The following GPHN variants were observed in gnomAD, a reference collection of about 807,000 sequenced individuals.
The protein encoded by GPHN is gephyrin.
Under a neutral mutation model 95.5 loss-of-function variants are expected in GPHN, and 17 were observed. The ratio of observed to expected loss-of-function variants is 0.18; its 90% CI spans 0.12 to 0.27. The LOEUF (loss-of-function observed/expected upper bound fraction) is 0.27. Among genes scored for constraint, GPHN ranks in the 10% least tolerant of loss-of-function variants. The probability of loss-of-function intolerance (pLI) is 1.00; values close to 1 mark genes in which losing one functional copy is unlikely to be tolerated. For synonymous variants in GPHN, 320 were observed against 322.5 expected (o/e 0.99, Z 0.08); for missense variants, 660 against 978.1 (o/e 0.67, Z 4.34).
chr14:66,845,245 T>A (rs2062270865), intron 4 of GPHN, among the ~76,000 whole-genome samples: 1 of 152,150 alleles, frequency 6.6e-6, no homozygotes, highest in Admixed American at 6.5e-5. Context: ...TCAATAGCAT[T>A]TAATACTTTA....
chr14:66,533,117 TG>T (rs1157752467), intron 1 of GPHN, among the ~76,000 whole-genome samples: 1 of 152,242 alleles, frequency 6.6e-6, no homozygotes. Context: ...AATTAATAAA[TG>T]TTTTTTTCCC....
chr14:67,580,848 T>C, the GPHN span: 1 of 812,206 alleles, frequency 1.2e-6, no homozygotes, highest in Non-Finnish European at 2.1e-6. Context: ...TTTTCTTTGC[T>C]CTTCTGCTCT....
At chr14:67,519,723 T>C in the GPHN span, among the ~76,000 whole-genome samples, 1 of 151,756 alleles carries the variant, frequency 6.6e-6, no homozygotes, top group African/African-American at 2.4e-5. Context: ...TGTTTTTTTT[T>C]TTTTTTACTT....
At chr14:66,917,287 C>T (rs2065962142) in intron 6 of GPHN, among the ~76,000 whole-genome samples, 1 of 152,074 alleles carries the variant, frequency 6.6e-6, no homozygotes, top group South Asian at 2.1e-4. Flanking sequence ...ATTAACAGAC[C>T]AGAATGTCTC....
chr14:66,902,353 G>T (rs1475345142), intron 5 of GPHN, among the ~76,000 whole-genome samples: 1 of 151,896 alleles, frequency 6.6e-6, no homozygotes, highest in Non-Finnish European at 1.5e-5. Flanking sequence ...CAGTTTGAAT[G>T]CCCTTTGTTT....
chr14:67,542,205 A>C, the GPHN span, among the ~76,000 whole-genome samples: 1 of 152,202 alleles, frequency 6.6e-6, no homozygotes, highest in Non-Finnish European at 1.5e-5. Flanking sequence ...ATTAAGGCAC[A>C]CCAAAGACAT....
At chr14:67,391,912 T>C in the GPHN span, among the ~76,000 whole-genome samples, 1 of 152,090 alleles carries the variant, frequency 6.6e-6, no homozygotes, top group African/African-American at 2.4e-5. Flanking sequence ...TCAGAAAGTG[T>C]ATCAAGGAGG....
At chr14:66,914,103 G>A (rs1294948195) in intron 5 of GPHN, among the ~76,000 whole-genome samples, 2 of 151,962 alleles carry the variant, frequency 1.3e-5, no homozygotes, top group Admixed American at 1.3e-4. Flanking sequence ...TGGCTGTATA[G>A]AAACCTTTAA....
chr14:66,922,798 CCTA>C lies in GPHN; in HGVS notation c.594_596del (p.Thr199del). On this transcript the variant is annotated inframe_deletion, in exon 7 of 23. Coordinates refer to ENST00000478722, the MANE Select transcript of GPHN (RefSeq NM_020806.5). ...CCCACCTCCCCCTCTTTCCCCTCCTCCTACTACCAGCCCCCATAAACAGACAGA... is the reference window on the plus strand; with the variant it reads ...CCCACCTCCCCCTCTTTCCCCTCCTCCTACCAGCCCCCATAAACAGACAGA... 1 of 1,613,520 alleles carries C rather than the reference CCTA, an allele frequency of 6.2e-7. No individual in the cohort carries two copies. The highest frequency in any genetic ancestry group is 1.3e-5 in the African/African-American group (1 of 74,972).
the GPHN span, chr14:67,642,139 G>A: frequency 8.9e-5 from 140 of 1,581,522 alleles, 1 homozygote; most frequent in African/African-American, 1.4e-3. Flanking sequence ...GTTAAGAGTT[G>A]GAGATAGCAC....
At chr14:67,684,897 G>A in the GPHN span, 4 of 745,486 alleles carry the variant, frequency 5.4e-6, no homozygotes, top group Non-Finnish European at 8.4e-6. Flanking sequence ...AAACTCTAGA[G>A]TTAAAAGACA....
intron 3 of GPHN, among the ~76,000 whole-genome samples, chr14:66,817,921 A>G (rs1020710804): frequency 1.1e-4 from 16 of 152,158 alleles, no homozygotes; most frequent in Non-Finnish European, 1.9e-4. Context: ...GCCCAGTTGC[A>G]AGGGTTGTAG....
At chr14:67,225,983 G>A in the GPHN span, among the ~76,000 whole-genome samples, 2 of 137,294 alleles carry the variant, frequency 1.5e-5, no homozygotes, top group Non-Finnish European at 3.3e-5. Context: ...GCGTGCGCAT[G>A]CGCGTGCATG....
chr14:67,331,277 C>G, the GPHN span, among the ~76,000 whole-genome samples: 1 of 152,132 alleles, frequency 6.6e-6, no homozygotes, highest in East Asian at 1.9e-4. Flanking sequence ...GCTCCCGGCC[C>G]CATGTGATCC....
chr14:67,412,184 C>A, the GPHN span: 1 of 698,690 alleles, frequency 1.4e-6, no homozygotes. Flanking sequence ...CGCGGCAGGG[C>A]GACGCCTCCC....
At chr14:67,199,519 T>A in the GPHN span, 8 of 1,612,266 alleles carry the variant, frequency 5.0e-6, no homozygotes, top group African/African-American at 1.3e-5. Flanking sequence ...CTTCATTTGA[T>A]GCTTCAGTTG....
At chr14:67,593,219 G>A in the GPHN span, 719 of 165,304 alleles carry the variant, frequency 4.3e-3, 1 homozygote, top group Admixed American at 6.4e-3. Context: ...GCCAGGCGTA[G>A]TGGCTCAAAC....
chr14:66,973,234 TATAA>T (rs1377180832), intron 9 of GPHN, among the ~76,000 whole-genome samples: 2 of 152,168 alleles, frequency 1.3e-5, no homozygotes, highest in Non-Finnish European at 2.9e-5. Context: ...GGTTAAGCAT[TATAA>T]ATAGTTTACC....
At chr14:67,025,726 A>G (rs913533229) in intron 10 of GPHN, among the ~76,000 whole-genome samples, 5 of 152,200 alleles carry the variant, frequency 3.3e-5, no homozygotes, top group Admixed American at 2.0e-4. Flanking sequence ...TCAAAACCAA[A>G]TCTTGGCCCT....
Sources: allele counts gnomAD v4.1 joint callset (sites outside exome capture counted in the v4.1 genomes callset), GRCh38; gene constraint gnomAD v4.1.1; transcripts MANE v1.5; gene names NCBI Gene and HGNC (gene_info 2026-07-23, HGNC 2026-07-21).